GSE1: variants seen among roughly 807,000 people sequenced by gnomAD.
GSE1 encodes Gse1 coiled-coil protein.
A neutral mutation model predicts 112.6 loss-of-function variants in GSE1; 32 were observed. The observed-to-expected ratio is 0.28, with a 90% CI of 0.21 to 0.38. GSE1 has a LOEUF of 0.38. Ranked by LOEUF, GSE1 falls within the 10% of genes least tolerant of loss-of-function variation. The pLI is 1.00. For synonymous variants in GSE1, 1,115 were observed against 735.6 expected (o/e 1.52, Z -8.35); for missense variants, 2,348 against 1,699.2 (o/e 1.38, Z -6.71).
intron 2 of GSE1, among the ~76,000 whole-genome samples, chr16:85,389,176 A>G (rs538432368): frequency 1.6e-4 from 24 of 152,262 alleles, no homozygotes; most frequent in African/African-American, 5.5e-4. Flanking sequence ...AGAAGCTGCT[A>G]GGGGCCGGGG....
Position 85,170,723 on chromosome 16 carries a change from TC to T in GSE1, c.1201del (p.Leu401CysfsTer210). The T allele has an allele frequency of 1.0e-6, 1 of 985,558 alleles. No individual in the cohort carries two copies. The highest frequency in any genetic ancestry group is 1.1e-4 in the East Asian group (1 of 8,808). 61.1% of individuals were successfully genotyped at this position (985,558 alleles called of 1,614,324 possible). On this transcript the variant is annotated frameshift_variant, in exon 1 of 3. Coordinates refer to the GSE1 transcript ENST00000637419. LOFTEE classifies it high-confidence loss of function. ...CTGGCTCAGGCCCCGTTCTTCCCCTTCCTGTGGCTGCACAGCCCGCCCCCAG... is the reference window on the plus strand; with the variant it reads ...CTGGCTCAGGCCCCGTTCTTCCCCTTCTGTGGCTGCACAGCCCGCCCCCAG...
At chr16:85,525,246 C>G (rs564487290) in intron 2 of GSE1, among the ~76,000 whole-genome samples, 1 of 129,522 alleles carries the variant, frequency 7.7e-6, no homozygotes, top group African/African-American at 2.9e-5. Flanking sequence ...CTCTGGCTCA[C>G]TTGTCCCCCC....
At chr16:85,232,969 C>T (rs1215012123) in intron 1 of GSE1, among the ~76,000 whole-genome samples, 1 of 152,268 alleles carries the variant, frequency 6.6e-6, no homozygotes, top group African/African-American at 2.4e-5. Flanking sequence ...GCGGGGGCCA[C>T]GTGGGCGTCA....
At chr16:85,616,334 A>C (rs907095502) in intron 1 of GSE1, among the ~76,000 whole-genome samples, 3 of 152,220 alleles carry the variant, frequency 2.0e-5, no homozygotes, top group Non-Finnish European at 2.9e-5. Flanking sequence ...GAGTGCGGAT[A>C]AGCTAGAGGG....
chr16:85,345,124 G>T (rs1223523464), intron 1 of GSE1, among the ~76,000 whole-genome samples: 1 of 149,430 alleles, frequency 6.7e-6, no homozygotes, highest in Non-Finnish European at 1.5e-5. Context: ...TCTAGAGCAG[G>T]GGCCTGCGGG....
intron 2 of GSE1, among the ~76,000 whole-genome samples, chr16:85,640,527 C>G (rs937797153): frequency 6.6e-6 from 1 of 152,204 alleles, no homozygotes; most frequent in Non-Finnish European, 1.5e-5. Context: ...AGAGGGGAGG[C>G]AGATCCGGTT....
intron 1 of GSE1, among the ~76,000 whole-genome samples, chr16:85,245,501 T>A (rs1476406464): frequency 6.6e-6 from 1 of 152,244 alleles, no homozygotes; most frequent in Non-Finnish European, 1.5e-5. Flanking sequence ...CCCGTCATCC[T>A]TGGAGAAGGA....
intron 2 of GSE1, among the ~76,000 whole-genome samples, chr16:85,466,173 C>T (rs890010956): frequency 1.1e-4 from 17 of 152,348 alleles, no homozygotes; most frequent in Non-Finnish European, 1.9e-4. Context: ...AAGGGCGGCT[C>T]ATCCCCAAAG....
In GSE1 at chr16:85,654,443, C is replaced by A; in HGVS notation, c.592C>A (p.Pro198Thr). ...SSVVQDSRFPPLNLQRPVHHV... is the reference protein window; with the variant it reads ...SSVVQDSRFPTLNLQRPVHHV... ...AGTTGTGCAGGATTCCCGCTTCCCGCCACTCAAGTAAGTTGGTCGGCGGGG... is the reference window on the plus strand; with the variant it reads ...AGTTGTGCAGGATTCCCGCTTCCCGACACTCAAGTAAGTTGGTCGGCGGGG... Residue 198 changes from proline (P) to threonine (T), a missense_variant, in exon 4 of 16, where the codon CCA becomes ACA. Transcript: ENST00000253458. 1 of 1,567,114 alleles carries A rather than the reference C, an allele frequency of 6.4e-7. No homozygotes were observed. The highest frequency in any genetic ancestry group is 8.7e-7 in the Non-Finnish European group (1 of 1,154,768).
Position 85,385,276 on chromosome 16 carries a change from G to A in GSE1, c.2464+27633G>A, listed in dbSNP as rs567871865. On this transcript the variant is annotated intron_variant, in intron 2 of 2. Transcript: ENST00000637419. The stretch of plus-strand genomic sequence containing the variant: ...AGAAGGGGAGTCACATCAGCTGTGC[G>A]TCTCTGGCCCAGGTGCAGGCAGGGC... Among the ~76,000 whole-genome samples, 197 of 152,342 alleles carry A rather than the reference G, an allele frequency of 1.3e-3. 1 individual carries two copies. Among genetic ancestry groups the A allele is most frequent in the African/African-American group, 4.6e-3 (190 of 41,578 alleles).
chr16:85,383,543 CTCT>C (rs2047613030), intron 2 of GSE1, among the ~76,000 whole-genome samples: 10 of 9,250 alleles, frequency 1.1e-3, no homozygotes, highest in Admixed American at 8.8e-3. Context: ...CTCTCTCTCT[CTCT>C]CTCTCTCTCT....
At chr16:85,183,573 C>T (rs1051181557) in intron 1 of GSE1, among the ~76,000 whole-genome samples, 4 of 152,236 alleles carry the variant, frequency 2.6e-5, no homozygotes, top group East Asian at 3.8e-4. Context: ...GTGATCTGGC[C>T]GTCCTCCATG....
chr16:85,199,786 G>C (rs146823943), intron 1 of GSE1, among the ~76,000 whole-genome samples: 3,204 of 152,242 alleles, frequency 0.021, 40 homozygotes, highest in Middle Eastern at 0.078. Context: ...GAACGGTTTT[G>C]AGCAGGGGTG....
intron 2 of GSE1, among the ~76,000 whole-genome samples, chr16:85,420,778 G>T (rs527970935): frequency 6.6e-6 from 1 of 152,318 alleles, no homozygotes; most frequent in South Asian, 2.1e-4. Context: ...CTCGCCCTGG[G>T]TGGAGTGTAA....
intron 1 of GSE1, among the ~76,000 whole-genome samples, chr16:85,628,807 C>T (rs1567677639): frequency 6.6e-6 from 1 of 152,188 alleles, no homozygotes; most frequent in Non-Finnish European, 1.5e-5. Context: ...AAGACACTGC[C>T]AGTAGCCTCA....
At chr16:85,627,786 A>G (rs956138013) in intron 1 of GSE1, among the ~76,000 whole-genome samples, 61 of 152,222 alleles carry the variant, frequency 4.0e-4, no homozygotes, top group African/African-American at 1.4e-3. Context: ...AATTCAGTCA[A>G]TGTCCAGGAG....
intron 1 of GSE1, among the ~76,000 whole-genome samples, chr16:85,243,371 A>G (rs1236517232): frequency 6.6e-6 from 1 of 152,172 alleles, no homozygotes; most frequent in Non-Finnish European, 1.5e-5. Context: ...GGGGAAGGAC[A>G]CGGGCAGTGG....
At chr16:85,517,135 C>T (rs2051975415) in intron 2 of GSE1, among the ~76,000 whole-genome samples, 1 of 152,166 alleles carries the variant, frequency 6.6e-6, no homozygotes, top group South Asian at 2.1e-4. Context: ...GTGGGGGCTT[C>T]TGCCTTCGTT....
intron 2 of GSE1, among the ~76,000 whole-genome samples, chr16:85,537,477 C>T (rs1007189280): frequency 5.9e-5 from 9 of 152,304 alleles, no homozygotes; most frequent in South Asian, 2.1e-4. Context: ...CTGGGGTCAA[C>T]GGGGCTGCCC....
Sources: allele counts gnomAD v4.1 joint callset (sites outside exome capture counted in the v4.1 genomes callset), GRCh38; gene constraint gnomAD v4.1.1; transcripts MANE v1.5; gene names NCBI Gene and HGNC (gene_info 2026-07-23, HGNC 2026-07-21).